Variants in ITPR2 observed in about 807,000 individuals in gnomAD.
ITPR2 encodes inositol 1,4,5-trisphosphate receptor type 2, also known as inositol 1,4,5-trisphosphate-gated calcium channel ITPR2.
A neutral mutation model predicts 317.1 loss-of-function variants in ITPR2; 207 were observed. The ratio of observed to expected loss-of-function variants is 0.65; its 90% CI spans 0.58 to 0.73. The LOEUF (loss-of-function observed/expected upper bound fraction) is 0.73, where lower values mean the gene tolerates loss of function less well. Ranked by LOEUF, ITPR2 falls within the 30% of genes least tolerant of loss-of-function variation. ITPR2 has a pLI of 0.00. For missense variants in ITPR2, 2,613 were observed against 3,284.0 expected (o/e 0.80, Z 4.99); for synonymous variants, 1,156 against 1,149.1 (o/e 1.01, Z -0.12).
chr12:26,415,211 C>A, intron 51 of ITPR2, 92 bp downstream of exon 51: 1 of 812,132 alleles, frequency 1.2e-6, no homozygotes, highest in Non-Finnish European at 1.9e-6. Flanking sequence ...AAAACATTTC[C>A]TCTATTCGTG....
At chr12:26,577,046 T>C (rs937869120) in intron 34 of ITPR2, among the ~76,000 whole-genome samples, 1 of 152,260 alleles carries the variant, frequency 6.6e-6, no homozygotes, top group African/African-American at 2.4e-5. Flanking sequence ...CATGGGATGA[T>C]GCAGCAAGAT....
At chr12:26,825,544 G>A (rs570699118) in intron 1 of ITPR2, among the ~76,000 whole-genome samples, 58 of 151,946 alleles carry the variant, frequency 3.8e-4, no homozygotes, top group African/African-American at 1.2e-3. Context: ...TGTGAAAAGC[G>A]CTACCTGTGC....
At chr12:26,509,216 AATAG>A (rs1309577939) in intron 37 of ITPR2, among the ~76,000 whole-genome samples, 1 of 152,198 alleles carries the variant, frequency 6.6e-6, no homozygotes, top group East Asian at 1.9e-4. Flanking sequence ...AGAGACAGAA[AATAG>A]ATAGCCAAGG....
intron 26 of ITPR2, among the ~76,000 whole-genome samples, chr12:26,616,634 T>C (rs1946380461): frequency 6.6e-6 from 1 of 152,174 alleles, no homozygotes; most frequent in Non-Finnish European, 1.5e-5. Flanking sequence ...CGATAGAGTA[T>C]AGTAGGATAA....
intron 55 of ITPR2, among the ~76,000 whole-genome samples, chr12:26,384,064 A>C (rs774017469): frequency 6.6e-6 from 1 of 152,258 alleles, no homozygotes; most frequent in African/African-American, 2.4e-5. Context: ...AAAGAACAAA[A>C]ATAAGAGTGG....
At chr12:26,665,331 T>C (rs1337889711) in intron 14 of ITPR2, among the ~76,000 whole-genome samples, 1 of 152,210 alleles carries the variant, frequency 6.6e-6, no homozygotes, top group Non-Finnish European at 1.5e-5. Context: ...CTGGAGATAG[T>C]CTGACTATGC....
At chr12:26,566,387 G>A (rs1383216859) in intron 34 of ITPR2, among the ~76,000 whole-genome samples, 1 of 143,436 alleles carries the variant, frequency 7.0e-6, no homozygotes, top group Non-Finnish European at 1.5e-5. Flanking sequence ...AGAGGCAGAG[G>A]GAGAGGAGAA....
At chr12:26,395,592 G>GA (rs3837445) in intron 54 of ITPR2, among the ~76,000 whole-genome samples, 71,200 of 151,822 alleles carry the variant, frequency 0.47, 17,642 homozygotes, top group East Asian at 0.66. Flanking sequence ...TTATGACCGT[G>GA]AAAAAAAGGG....
rs543375265 is a variant in ITPR2, at chr12:26,674,549, A to C, written c.1409+7325T>G. On this transcript the variant is annotated intron_variant, in intron 13 of 56. Coordinates refer to ENST00000381340, the MANE Select transcript of ITPR2 (RefSeq NM_002223.4). ...ACACCTTATATAAAAATCAATTCAA[A>C]ATGGATTAAAGACATAAACGTTAGA... Among the ~76,000 whole-genome samples, 5 of 152,298 alleles carry C rather than the reference A, an allele frequency of 3.3e-5. No homozygotes were observed. In the South Asian group the frequency reaches 1.0e-3, roughly 32 times the overall value.
intron 51 of ITPR2, among the ~76,000 whole-genome samples, chr12:26,412,202 C>T (rs1438343906): frequency 6.6e-6 from 1 of 152,232 alleles, no homozygotes; most frequent in East Asian, 1.9e-4. Context: ...AGTGCATTTC[C>T]CAGCAATGCC....
chr12:26,459,225 C>T (rs1941958284), intron 45 of ITPR2, among the ~76,000 whole-genome samples: 1 of 152,214 alleles, frequency 6.6e-6, no homozygotes. Context: ...AAATAACACA[C>T]TTGCTCAGTG....
chr12:26,541,408 A>C (rs776148968), intron 37 of ITPR2, among the ~76,000 whole-genome samples: 1 of 152,218 alleles, frequency 6.6e-6, no homozygotes, highest in Non-Finnish European at 1.5e-5. Flanking sequence ...AGCATCACTA[A>C]TATTTGATTT....
intron 26 of ITPR2, among the ~76,000 whole-genome samples, chr12:26,611,188 T>A (rs1946257703): frequency 1.3e-5 from 2 of 152,168 alleles, no homozygotes; most frequent in Non-Finnish European, 2.9e-5. Flanking sequence ...ACGGGTCCTA[T>A]GAGAAGCCAA....
intron 37 of ITPR2, among the ~76,000 whole-genome samples, chr12:26,508,543 T>C (rs921918945): frequency 2.6e-5 from 4 of 152,120 alleles, no homozygotes; most frequent in Non-Finnish European, 5.9e-5. Flanking sequence ...ACAATATTGA[T>C]AGAGATGAGA....
At chr12:26,789,742 T>C (rs193269672) in intron 2 of ITPR2, among the ~76,000 whole-genome samples, 4 of 152,360 alleles carry the variant, frequency 2.6e-5, no homozygotes, top group Admixed American at 2.6e-4. Flanking sequence ...AAAATTGCTA[T>C]TTTAAAAAGT....
intron 2 of ITPR2, among the ~76,000 whole-genome samples, chr12:26,782,499 A>G (rs1950115467): frequency 6.6e-6 from 1 of 152,212 alleles, no homozygotes; most frequent in Non-Finnish European, 1.5e-5. Flanking sequence ...GATTCAATCA[A>G]TGTGGCTTTA....
chr12:26,372,720 GT>G (rs1939221935), intron 55 of ITPR2, among the ~76,000 whole-genome samples: 1 of 152,166 alleles, frequency 6.6e-6, no homozygotes, highest in Non-Finnish European at 1.5e-5. Flanking sequence ...AATAAAATGG[GT>G]TATCTTATTA....
chr12:26,357,157 A>G (rs1938667056), intron 55 of ITPR2, among the ~76,000 whole-genome samples: 1 of 151,962 alleles, frequency 6.6e-6, no homozygotes, highest in East Asian at 1.9e-4. Flanking sequence ...TTGGGAGGTT[A>G]TGGCGTTGGG....
At chr12:26,540,753 A>G (rs1395700680) in intron 37 of ITPR2, among the ~76,000 whole-genome samples, 1 of 152,220 alleles carries the variant, frequency 6.6e-6, no homozygotes, top group Non-Finnish European at 1.5e-5. Context: ...AATATAATTC[A>G]TCCAGTAAAT....
Sources: gnomAD v4.1 joint callset for allele counts (sites outside exome capture counted in the v4.1 genomes callset) on GRCh38, gnomAD v4.1.1 for gene constraint, MANE v1.5 for transcripts, NCBI Gene and HGNC (gene_info 2026-07-23, HGNC 2026-07-21) for gene names.